The following CNOT9 variants were observed in gnomAD, a reference collection of about 807,000 sequenced individuals.
The protein encoded by CNOT9 is RCD1 required for cell differentiation1 homolog.
Under a neutral mutation model 37.4 loss-of-function variants are expected in CNOT9, and 8 were observed. The observed-to-expected ratio is 0.21, with a 90% confidence interval of 0.13 to 0.39. The LOEUF (loss-of-function observed/expected upper bound fraction) is 0.39, where lower values mean the gene tolerates loss of function less well. Among genes scored for constraint, CNOT9 ranks in the 10% least tolerant of loss-of-function variants. CNOT9 has a pLI of 1.00. For synonymous variants in CNOT9, 120 were observed against 137.6 expected, an observed-to-expected ratio of 0.87 and a Z score of 0.90; for missense variants, 154 against 365.3, an observed-to-expected ratio of 0.42 and a Z score of 4.71.
chr2:218,572,444 A>G (rs1218996156), intron 1 of CNOT9, among the ~76,000 whole-genome samples: 4 of 145,166 alleles, frequency 2.8e-5, no homozygotes, highest in Non-Finnish European at 6.1e-5. Flanking sequence ...AGGCTCACAC[A>G]CCTATAATCC....
intron 1 of CNOT9, among the ~76,000 whole-genome samples, chr2:218,570,972 A>G (rs982520604): frequency 8.5e-5 from 13 of 152,210 alleles, no homozygotes; most frequent in African/African-American, 3.1e-4. Flanking sequence ...CTAGTGAGGA[A>G]ACTAAAACGT....
In CNOT9 at chr2:218,594,378, C is replaced by T. The variant is rs1694870722; in HGVS notation, c.*102C>T. The T allele has an allele frequency of 7.7e-7, 1 of 1,306,568 alleles. No individual in the cohort carries two copies. Among genetic ancestry groups the T allele is most frequent in the African/African-American group, 1.5e-5 (1 of 68,352 alleles). The allele number at this position is 1,306,568 out of a possible 1,614,324, so 80.9% of individuals were successfully genotyped here. On this transcript the variant is annotated 3_prime_UTR_variant, in exon 8 of 8. Coordinates refer to ENST00000273064, the MANE Select transcript of CNOT9 (RefSeq NM_005444.3). Reference sequence around the variant, plus strand: ...TTATCACCGACTGGGAATAGACAACCTCAATGCTGAACCGCACTGGAGAAA... The same window carrying T: ...TTATCACCGACTGGGAATAGACAACTTCAATGCTGAACCGCACTGGAGAAA...
At chr2:218,577,595 C>G (rs1204924106) in intron 1 of CNOT9, among the ~76,000 whole-genome samples, 1 of 152,220 alleles carries the variant, frequency 6.6e-6, no homozygotes, top group Non-Finnish European at 1.5e-5. Flanking sequence ...GCCTACACCA[C>G]TGCCAGCAGG....
In CNOT9 at chr2:218,579,818, ATTTGTTTG is replaced by A. The variant is rs112718847; in HGVS notation, c.25-735_25-728del. On this transcript the variant is annotated intron_variant, in intron 1 of 7. Transcript: ENST00000273064. ...TCTGCATTTATTTATTTATTTATTT[ATTTGTTTG>A]TTTGTTTATTGAGACAGAGTCTCAC... Among the ~76,000 whole-genome samples, 828 of 149,570 alleles carry A rather than the reference ATTTGTTTG, an allele frequency of 5.5e-3. 4 individuals are homozygous for A. The highest frequency in any genetic ancestry group is 0.044 in the Middle Eastern group (12 of 272).
rs1315195833 is a variant in CNOT9, at chr2:218,592,067, TAA to T, written c.541-233_541-232del. 6.6e-6 allele frequency among the ~76,000 whole-genome samples: 1 copy of T among 152,108 alleles called. No individual in the cohort carries two copies. Among genetic ancestry groups the T allele is most frequent in the African/African-American group, 2.4e-5 (1 of 41,394 alleles). ...TGGTACCTACCTCATTGATTTATTATAAAAATAAGATAAGCATGTAAAGCCTC... is the reference window on the plus strand; with the variant it reads ...TGGTACCTACCTCATTGATTTATTATAAATAAGATAAGCATGTAAAGCCTC... On this transcript the variant is annotated intron_variant, in intron 5 of 7. Coordinates refer to ENST00000273064, the MANE Select transcript of CNOT9 (RefSeq NM_005444.3). The surrounding 1 kb of genome is among the most constrained non-coding windows in gnomAD (Gnocchi z 4.1).
At chr2:218,581,563 A>G (rs1192024386) in intron 2 of CNOT9, among the ~76,000 whole-genome samples, 1 of 152,204 alleles carries the variant, frequency 6.6e-6, no homozygotes, top group Non-Finnish European at 1.5e-5. Context: ...AGTTCAAACC[A>G]GAATGGTCAC....
chr2:218,584,486 T>C (rs1443888292), intron 3 of CNOT9, 126 bp from the exon 4 acceptor site: 3 of 764,722 alleles, frequency 3.9e-6, no homozygotes, highest in Non-Finnish European at 7.0e-6. Context: ...AGTAACATTG[T>C]TTTCCTAAGG....
chr2:218,580,460 TG>T, intron 1 of CNOT9, 100 bp from the exon 2 acceptor site: 1 of 958,326 alleles, frequency 1.0e-6, no homozygotes, highest in Non-Finnish European at 1.5e-6. Context: ...AACGCTCCCC[TG>T]GTATTCATGA....
chr2:218,578,091 C>T (rs1694233296), intron 1 of CNOT9, among the ~76,000 whole-genome samples: 1 of 152,226 alleles, frequency 6.6e-6, no homozygotes, highest in Non-Finnish European at 1.5e-5. Context: ...CTGAACAACA[C>T]TGCTTTTGCT....
intron 3 of CNOT9, 133 bp downstream of exon 3, chr2:218,583,219 G>T (rs1157617710): frequency 7.8e-6 from 3 of 385,012 alleles, no homozygotes; most frequent in Non-Finnish European, 1.4e-5. Flanking sequence ...GTGTGTGTGT[G>T]TGTGTGTGTG....
At position 218,579,477 on chromosome 2, in the gene CNOT9, CTTGT is replaced by C. The variant is rs896345541; in HGVS notation, c.25-1077_25-1074del. ...TTAACCAGTCTCTTAGTGAGAGATA[CTTGT>C]TTGTTTTCTGCATTTTTGTTTTTGA... On this transcript the variant is annotated intron_variant, in intron 1 of 7. Transcript: ENST00000273064. Among the ~76,000 whole-genome samples, 6 of 152,092 alleles carry C rather than the reference CTTGT, an allele frequency of 3.9e-5. 1 individual carries two copies. The highest frequency in any genetic ancestry group is 3.9e-4 in the Admixed American group (6 of 15,250).
intron 1 of CNOT9, chr2:218,574,130 A>G (rs1484856847): frequency 6.3e-6 from 2 of 315,508 alleles, no homozygotes; most frequent in African/African-American, 2.3e-5. Flanking sequence ...ACACCACACC[A>G]GGCTAATTTT....
intron 2 of CNOT9, chr2:218,581,066 C>A: frequency 2.0e-6 from 1 of 487,954 alleles, no homozygotes; most frequent in Admixed American, 2.3e-5. Flanking sequence ...TAAGATAAAT[C>A]TACATGACAG....
chr2:218,582,429 G>A (rs535657159), intron 2 of CNOT9, among the ~76,000 whole-genome samples: 1 of 152,304 alleles, frequency 6.6e-6, no homozygotes, highest in African/African-American at 2.4e-5. Context: ...AGTGGCTCAC[G>A]CCTGAAATCC....
Position 218,579,398 on chromosome 2 carries a change from T to C in CNOT9, c.25-1163T>C, listed in dbSNP as rs953298361. On this transcript the variant is annotated intron_variant, in intron 1 of 7. Coordinates refer to ENST00000273064, the MANE Select transcript of CNOT9 (RefSeq NM_005444.3). The stretch of plus-strand genomic sequence containing the variant: ...TATCAATATACAGTATATAGAGAGC[T>C]GCTTCTTTTTTTAAAGGACTACATA... Among the ~76,000 whole-genome samples the C allele has an allele frequency of 2.6e-5, 4 of 152,244 alleles. No homozygotes were observed. In the East Asian group the frequency reaches 7.7e-4, roughly 29 times the overall value.
At chr2:218,583,577 C>T (rs575011584) in intron 3 of CNOT9, among the ~76,000 whole-genome samples, 3 of 152,058 alleles carry the variant, frequency 2.0e-5, no homozygotes, top group Non-Finnish European at 4.4e-5. Flanking sequence ...ATATTTTTGC[C>T]ACCTGTCATA....
rs57839540 is a variant in CNOT9 at position 218,595,404 on chromosome 2, C to CTTTTTTTTTTTTTTTTT, written c.*1140_*1156dup. 1 of 50,940 alleles carries CTTTTTTTTTTTTTTTTT rather than the reference C, an allele frequency of 2.0e-5. No homozygotes were observed. Among genetic ancestry groups the CTTTTTTTTTTTTTTTTT allele is most frequent in the Non-Finnish European group, 3.6e-5 (1 of 27,420 alleles). The allele number at this position is 50,940 out of a possible 1,614,324, so 3.2% of individuals were successfully genotyped here. A position where few individuals can be genotyped will look rare whatever the true frequency, so the allele number is the denominator to read the frequency against. The stretch of plus-strand genomic sequence containing the variant: ...GAGGGCTGGGTTCTGCTCACTCAGT[C>CTTTTTTTTTTTTTTTTT]TTTTTTTTTTTTTTTTTTTTTTTTT... On this transcript the variant is annotated 3_prime_UTR_variant, in exon 8 of 8. Transcript: ENST00000273064.
intron 5 of CNOT9, chr2:218,589,218 A>C (rs1694696236): frequency 6.6e-6 from 1 of 152,122 alleles, no homozygotes; most frequent in South Asian, 2.1e-4. Flanking sequence ...AAATATATAT[A>C]TATGGAATGC....
intron 5 of CNOT9, among the ~76,000 whole-genome samples, chr2:218,588,978 C>CTA (rs1375253476): frequency 6.6e-6 from 1 of 151,782 alleles, no homozygotes; most frequent in Non-Finnish European, 1.5e-5. Flanking sequence ...CAGTTATGCT[C>CTA]TATTATCTGT....
Sources: gnomAD v4.1 joint callset for allele counts (sites outside exome capture counted in the v4.1 genomes callset) on GRCh38, gnomAD v4.1.1 for gene constraint, Gnocchi (gnomAD v3.1) non-coding constraint, MANE v1.5 for transcripts, NCBI Gene and HGNC (gene_info 2026-07-23, HGNC 2026-07-21) for gene names.